SLC35F2: variants seen among roughly 807,000 people sequenced by gnomAD.
SLC35F2 encodes the protein queuine/queuosine transporter SLC35F2.
Under a neutral mutation model 38.1 loss-of-function variants are expected in SLC35F2, and 25 were observed. The observed-to-expected ratio is 0.66, with a 90% CI of 0.48 to 0.92. SLC35F2 has a LOEUF of 0.92. Ranked by LOEUF, SLC35F2 falls within the 40% of genes least tolerant of loss-of-function variation. The probability of loss-of-function intolerance (pLI) is 0.00; values close to 1 mark genes in which losing one functional copy is unlikely to be tolerated. For synonymous variants in SLC35F2, 173 were observed against 181.7 expected (o/e 0.95, Z 0.38); for missense variants, 409 against 452.9 (o/e 0.90, Z 0.88).
intron 1 of SLC35F2, chr11:107,824,038 G>A (rs1027598333): frequency 1.9e-5 from 19 of 982,526 alleles, no homozygotes; most frequent in Non-Finnish European, 2.3e-5. Context: ...ATAGTCCTAC[G>A]ATTCAAAAGT....
chr11:107,793,163 C>T (rs1220120538), intron 7 of SLC35F2, among the ~76,000 whole-genome samples: 1 of 152,212 alleles, frequency 6.6e-6, no homozygotes, highest in Non-Finnish European at 1.5e-5. Context: ...GCAATCCGCC[C>T]GCCTCAGGCT....
intron 1 of SLC35F2, among the ~76,000 whole-genome samples, chr11:107,854,390 C>G (rs1380260493): frequency 6.6e-6 from 1 of 152,080 alleles, no homozygotes; most frequent in African/African-American, 2.4e-5. Flanking sequence ...CCATGATCAG[C>G]CACTGCACTC....
At chr11:107,822,594 C>T (rs1859690306) in intron 1 of SLC35F2, among the ~76,000 whole-genome samples, 1 of 152,142 alleles carries the variant, frequency 6.6e-6, no homozygotes, top group African/African-American at 2.4e-5. Flanking sequence ...ACCCACCACA[C>T]ACTGTTCTTT....
intron 1 of SLC35F2, among the ~76,000 whole-genome samples, chr11:107,845,136 C>T (rs1274899417): frequency 6.6e-6 from 1 of 152,046 alleles, no homozygotes; most frequent in African/African-American, 2.4e-5. Flanking sequence ...AATGCTCTTC[C>T]CCCAAGTATA....
chr11:107,824,185 G>A (rs747923087), intron 1 of SLC35F2, among the ~76,000 whole-genome samples: 2 of 152,162 alleles, frequency 1.3e-5, no homozygotes, highest in African/African-American at 2.4e-5. Flanking sequence ...GTGTATTGGT[G>A]TATATGATCA....
intron 4 of SLC35F2, 173 bp from the exon 5 acceptor site, chr11:107,805,688 G>T: frequency 2.0e-6 from 2 of 982,536 alleles, no homozygotes; most frequent in Non-Finnish European, 2.4e-6. Context: ...GTGTGTGTAT[G>T]TGTGTGTTTG....
chr11:107,811,577 G>C, intron 3 of SLC35F2, 90 bp downstream of exon 3: 1 of 1,263,610 alleles, frequency 7.9e-7, no homozygotes, highest in Non-Finnish European at 1.1e-6. Context: ...CAAGTGAATA[G>C]ATTTTCAATA....
chr11:107,838,938 C>T (rs940272144), intron 1 of SLC35F2, among the ~76,000 whole-genome samples: 1 of 152,000 alleles, frequency 6.6e-6, no homozygotes, highest in Non-Finnish European at 1.5e-5. Context: ...CGATAAGTTT[C>T]TCTTAAATAT....
At chr11:107,837,046 C>G (rs1014953222) in intron 1 of SLC35F2, among the ~76,000 whole-genome samples, 1 of 152,120 alleles carries the variant, frequency 6.6e-6, no homozygotes, top group Non-Finnish European at 1.5e-5. Flanking sequence ...TAAAACCAGG[C>G]CATCAAGCCA....
intron 1 of SLC35F2, among the ~76,000 whole-genome samples, chr11:107,834,581 C>T (rs1372154310): frequency 6.6e-6 from 1 of 152,124 alleles, no homozygotes; most frequent in Non-Finnish European, 1.5e-5. Context: ...ACCCAGGAGG[C>T]GGAGGTTGCA....
At chr11:107,820,020 C>T (rs950119873) in intron 1 of SLC35F2, among the ~76,000 whole-genome samples, 3 of 151,992 alleles carry the variant, frequency 2.0e-5, no homozygotes, top group Non-Finnish European at 4.4e-5. Context: ...ATTTAAGAGG[C>T]CAAGGCGGAT....
intron 1 of SLC35F2, among the ~76,000 whole-genome samples, chr11:107,825,873 C>A (rs1859746839): frequency 6.6e-6 from 1 of 152,144 alleles, no homozygotes; most frequent in Non-Finnish European, 1.5e-5. Flanking sequence ...GTACTTCTGA[C>A]TGTTGCTGGT....
At position 107,815,752 on chromosome 11, in the gene SLC35F2, T is replaced by C. The variant is rs1021567213; in HGVS notation, c.286+38A>G. 9.6e-6 allele frequency: 15 copies of C among 1,556,082 alleles called. 1 individual carries two copies. Among genetic ancestry groups the C allele is most frequent in the Non-Finnish European group, 1.0e-5 (12 of 1,151,740 alleles). Reference sequence around the variant, plus strand: ...ACTTTTCTAGTAATTTTTATGAAGATAATTTTGTTGAAAAGATAATTTCCA... The same window carrying C: ...ACTTTTCTAGTAATTTTTATGAAGACAATTTTGTTGAAAAGATAATTTCCA... On this transcript the variant is annotated intron_variant, in intron 2 of 7. Transcript: ENST00000525815.
intron 1 of SLC35F2, among the ~76,000 whole-genome samples, chr11:107,817,262 T>A (rs1056959558): frequency 3.4e-5 from 5 of 145,682 alleles, no homozygotes; most frequent in Non-Finnish European, 7.5e-5. Flanking sequence ...GGTGACAGAA[T>A]GAGACGACAA....
At chr11:107,821,464 C>A in intron 1 of SLC35F2, 1 of 985,166 alleles carries the variant, frequency 1.0e-6, no homozygotes, top group South Asian at 4.7e-5. Context: ...GAAAAGCTGG[C>A]GGGGAGGGGG....
intron 3 of SLC35F2, chr11:107,811,388 C>A (rs773128144): frequency 1.5e-4 from 50 of 335,200 alleles, no homozygotes; most frequent in Non-Finnish European, 2.0e-4. Context: ...CACGTGTCAA[C>A]ACCACAGCAT....
intron 2 of SLC35F2, 94 bp from the exon 3 acceptor site, chr11:107,811,888 GT>G (rs969941022): frequency 2.4e-5 from 28 of 1,177,268 alleles, no homozygotes; most frequent in East Asian, 5.0e-5. Flanking sequence ...AGAGTTTCTT[GT>G]TTTTTTTTCT....
At chr11:107,826,329 T>C (rs185631530) in intron 1 of SLC35F2, among the ~76,000 whole-genome samples, 1 of 151,600 alleles carries the variant, frequency 6.6e-6, no homozygotes, top group East Asian at 1.9e-4. Context: ...CATGCTGGAG[T>C]GCAATAGCTC....
chr11:107,838,612 A>ACCACACCTGGCCGATAAGTTT (rs1188751491), intron 1 of SLC35F2, among the ~76,000 whole-genome samples: 1 of 134,854 alleles, frequency 7.4e-6, no homozygotes, highest in Middle Eastern at 4.9e-3. Flanking sequence ...GGCGTGAGCC[A>ACCACACCTGGCCGATAAGTTT]CTTTGCCCGG....
Sources: allele counts gnomAD v4.1 joint callset (sites outside exome capture counted in the v4.1 genomes callset), GRCh38; gene constraint gnomAD v4.1.1; transcripts MANE v1.5; gene names NCBI Gene and HGNC (gene_info 2026-07-23, HGNC 2026-07-21).